Variants in ME1 observed in about 807,000 individuals in gnomAD.
ME1 encodes malic enzyme 1.
Under a neutral mutation model 66.4 loss-of-function variants are expected in ME1, and 74 were observed. That is an observed-to-expected ratio of 1.11 (90% CI 0.92 to 1.35). The LOEUF (loss-of-function observed/expected upper bound fraction) is 1.35, where lower values mean the gene tolerates loss of function less well. Among genes scored for constraint, ME1 ranks in the 40% most tolerant of loss-of-function variants. ME1 has a pLI of 0.00. For synonymous variants in ME1, 251 were observed against 235.6 expected, an observed-to-expected ratio of 1.07 and a Z score of -0.60; for missense variants, 750 against 694.1, an observed-to-expected ratio of 1.08 and a Z score of -0.90.
intron 4 of ME1, among the ~76,000 whole-genome samples, chr6:83,350,971 C>CAAAA (rs34259968): frequency 3.2e-4 from 18 of 55,794 alleles, no homozygotes; most frequent in Admixed American, 4.5e-4. Flanking sequence ...GTGGAGAAAG[C>CAAAA]AAAAAAAAAA....
chr6:83,258,411 A>C (rs917956618), intron 6 of ME1, among the ~76,000 whole-genome samples: 2 of 152,198 alleles, frequency 1.3e-5, no homozygotes, highest in African/African-American at 4.8e-5. Context: ...CTTTGTCACT[A>C]TAAAATTATA....
chr6:83,362,508 A>G (rs1769023691), intron 3 of ME1, among the ~76,000 whole-genome samples: 1 of 152,112 alleles, frequency 6.6e-6, no homozygotes, highest in African/African-American at 2.4e-5. Flanking sequence ...GCAGGGGCGG[A>G]GGTTACGTAT....
chr6:83,299,029 T>C, intron 6 of ME1, among the ~76,000 whole-genome samples: 1 of 147,318 alleles, frequency 6.8e-6, no homozygotes, highest in East Asian at 2.0e-4. Context: ...AGTAGGGTAG[T>C]GTGATGCCTC....
intron 4 of ME1, among the ~76,000 whole-genome samples, chr6:83,350,755 T>C (rs1032228128): frequency 5.3e-5 from 8 of 152,136 alleles, no homozygotes; most frequent in Admixed American, 2.0e-4. Flanking sequence ...CCCAAAGTGT[T>C]GGGATCACAG....
chr6:83,427,399 T>C (rs938526924), intron 1 of ME1, among the ~76,000 whole-genome samples: 1 of 152,216 alleles, frequency 6.6e-6, no homozygotes, highest in African/African-American at 2.4e-5. Context: ...TCCCTTAGGT[T>C]ATCCAGCAAG....
chr6:83,391,941 T>C (rs899713337), intron 3 of ME1, among the ~76,000 whole-genome samples: 9 of 152,210 alleles, frequency 5.9e-5, no homozygotes, highest in African/African-American at 2.2e-4. Context: ...ATCCCCCTTT[T>C]CCTGTTCTCT....
intron 5 of ME1, among the ~76,000 whole-genome samples, chr6:83,326,526 C>T (rs932305606): frequency 1.9e-5 from 1 of 53,014 alleles, no homozygotes; most frequent in Admixed American, 2.7e-4. Context: ...CTACAAGGAA[C>T]TTAAATTTAC....
intron 4 of ME1, among the ~76,000 whole-genome samples, chr6:83,348,983 T>C (rs1160721498): frequency 2.7e-5 from 2 of 74,360 alleles, no homozygotes; most frequent in African/African-American, 1.4e-4. Context: ...AAACTCTGTC[T>C]CAAAAAAAAA....
intron 5 of ME1, among the ~76,000 whole-genome samples, chr6:83,317,775 T>C (rs1037431025): frequency 5.9e-5 from 9 of 152,166 alleles, no homozygotes; most frequent in Non-Finnish European, 1.2e-4. Context: ...TACCAATGCC[T>C]TTCTTCACAC....
chr6:83,213,886 C>T (rs566341341), intron 13 of ME1, among the ~76,000 whole-genome samples: 6 of 151,616 alleles, frequency 4.0e-5, no homozygotes, highest in African/African-American at 7.3e-5. Flanking sequence ...AATAAACAAA[C>T]GAAAGACTCA....
chr6:83,214,716 G>C (rs975775921), intron 13 of ME1, among the ~76,000 whole-genome samples: 1 of 152,068 alleles, frequency 6.6e-6, no homozygotes, highest in Non-Finnish European at 1.5e-5. Flanking sequence ...AAGATGCCCA[G>C]GTCTTTTATC....
At position 83,211,432 on chromosome 6, in the gene ME1, A is replaced by C. The variant is rs1246180329; in HGVS notation, c.*492T>G. 2 of 152,716 alleles carry C rather than the reference A, an allele frequency of 1.3e-5. No individual in the cohort carries two copies. The highest frequency in any genetic ancestry group is 4.8e-5 in the African/African-American group (2 of 41,454). The allele number at this position is 152,716 out of a possible 1,614,324, so 9.5% of individuals were successfully genotyped here. A position where few individuals can be genotyped will look rare whatever the true frequency, so the allele number is the denominator to read the frequency against. ...AAGAACATATATGATCTAGGACTGG[A>C]ATAAAAATACTTGAGAAGTTATCTT... is the stretch of plus-strand genomic sequence containing the variant. On this transcript the variant is annotated 3_prime_UTR_variant, in exon 14 of 14. Transcript: ENST00000369705.
chr6:83,348,111 A>G (rs186282244), intron 4 of ME1, among the ~76,000 whole-genome samples: 103 of 152,316 alleles, frequency 6.8e-4, no homozygotes, highest in African/African-American at 2.4e-3. Flanking sequence ...CATTCAATAC[A>G]TTTGTCTTTG....
At chr6:83,304,398 G>A (rs763101397) in intron 6 of ME1, among the ~76,000 whole-genome samples, 10 of 152,174 alleles carry the variant, frequency 6.6e-5, no homozygotes, top group African/African-American at 9.7e-5. Flanking sequence ...GAAATGGACT[G>A]CAAACCTGTC....
In ME1 at chr6:83,281,550, A is replaced by T. The variant is rs141272819; in HGVS notation, c.705-27812T>A. On this transcript the variant is annotated intron_variant, in intron 6 of 13. Transcript: ENST00000369705. ...GCCAGGCACAGTGGCTTACACCTGT[A>T]ATCCCAGCACTTTGGGAGGCAGGTG... Among the ~76,000 whole-genome samples the T allele has an allele frequency of 2.5e-4, 38 of 152,240 alleles. No individual in the cohort carries two copies. The East Asian group carries it at 7.1e-3, about 29-fold the overall frequency.
At chr6:83,360,052 C>T (rs1228210577) in intron 3 of ME1, among the ~76,000 whole-genome samples, 2 of 152,174 alleles carry the variant, frequency 1.3e-5, no homozygotes, top group Non-Finnish European at 2.9e-5. Context: ...TTAATCTACA[C>T]AATCTGAAAA....
intron 3 of ME1, among the ~76,000 whole-genome samples, chr6:83,365,069 C>A (rs1769077758): frequency 6.6e-6 from 1 of 152,144 alleles, no homozygotes; most frequent in Admixed American, 6.5e-5. Context: ...GTCCTCACAC[C>A]CTGAGGCAGG....
intron 5 of ME1, among the ~76,000 whole-genome samples, chr6:83,320,636 C>T (rs915766595): frequency 6.6e-6 from 1 of 152,202 alleles, no homozygotes; most frequent in African/African-American, 2.4e-5. Flanking sequence ...ATACTTTCTC[C>T]ATGTCTAGAA....
intron 3 of ME1, among the ~76,000 whole-genome samples, chr6:83,395,432 G>A (rs1769711268): frequency 6.6e-6 from 1 of 151,592 alleles, no homozygotes; most frequent in South Asian, 2.1e-4. Flanking sequence ...ATCTGTAAAA[G>A]GGAACCCAAA....
Sources: allele counts gnomAD v4.1 joint callset (sites outside exome capture counted in the v4.1 genomes callset), GRCh38; gene constraint gnomAD v4.1.1; transcripts MANE v1.5; gene names NCBI Gene and HGNC (gene_info 2026-07-23, HGNC 2026-07-21).